ATP1A4: variants seen among roughly 807,000 people sequenced by gnomAD.
ATP1A4 encodes ATPase Na+/K+ transporting subunit alpha 4.
Under a neutral mutation model 114.3 loss-of-function variants are expected in ATP1A4, and 90 were observed. That is an observed-to-expected ratio of 0.79 (90% CI 0.66 to 0.94). ATP1A4 has a LOEUF of 0.94. ATP1A4 is among the 40% of genes least tolerant of loss of function. The pLI is 0.00. For missense variants in ATP1A4, 1,222 were observed against 1,313.6 expected (o/e 0.93, Z 1.08); for synonymous variants, 511 against 494.1 (o/e 1.03, Z -0.45).
At chr1:160,172,301 G>A (rs182366677) in intron 12 of ATP1A4, among the ~76,000 whole-genome samples, 29 of 152,302 alleles carry the variant, frequency 1.9e-4, no homozygotes, top group East Asian at 1.7e-3. Flanking sequence ...CGAGATGGGC[G>A]GTAAAAGGGT....
rs1391537672 is a variant in ATP1A4, at chr1:160,159,058, G to A, written c.582G>A (p.Val194=). The A allele has an allele frequency of 6.2e-7, 1 of 1,614,150 alleles. No individual in the cohort carries two copies. Among genetic ancestry groups the A allele is most frequent in the Non-Finnish European group, 8.5e-7 (1 of 1,180,006 alleles). Residue 194 remains valine, a synonymous_variant, in exon 5 of 22, where the codon GTG becomes GTA. Transcript: ENST00000368081. Reference sequence around the variant, plus strand: ...TGCAAATTAATGTACAAGAGGTGGTGTTGGGAGACCTGGTGGAAATCAAGG... The same window carrying A: ...TGCAAATTAATGTACAAGAGGTGGTATTGGGAGACCTGGTGGAAATCAAGG... The part of the protein sequence containing the change: ...EKMQINVQEV[V]LGDLVEIKGG...
intron 4 of ATP1A4, among the ~76,000 whole-genome samples, chr1:160,157,992 C>T (rs1265739950): frequency 1.3e-5 from 2 of 152,092 alleles, no homozygotes; most frequent in Non-Finnish European, 2.9e-5. Flanking sequence ...GTAGTATAGC[C>T]CAGGATTTCC....
chr1:160,171,886 T>C (rs768983021), intron 12 of ATP1A4, 129 bp downstream of exon 12: 15 of 926,078 alleles, frequency 1.6e-5, no homozygotes, highest in Admixed American at 1.2e-4. Context: ...CTTGGGCTTA[T>C]GATTTTTAAT....
chr1:160,169,672 G>A (rs1345162867), intron 10 of ATP1A4: 1 of 152,244 alleles, frequency 6.6e-6, no homozygotes, highest in East Asian at 1.9e-4. Flanking sequence ...GTTCTCAACA[G>A]GCGACCTAGC....
At position 160,174,134 on chromosome 1, in the gene ATP1A4, A is replaced by C; in HGVS notation, c.2015A>C (p.His672Pro). ...AGTGCTGCCAAAGCCATTGTGGTGC[A>C]TGGTGCAGAACTGAAGGACATACAG... ...DASAAKAIVV[H>P]GAELKDIQSK... The change falls in exon 14 of 22, where the codon CAT (histidine) becomes CCT (proline). Residue 672 changes from histidine to proline, a missense_variant. Transcript: ENST00000368081. The C allele has an allele frequency of 6.2e-7, 1 of 1,614,052 alleles. No homozygotes were observed. The highest frequency in any genetic ancestry group is 8.5e-7 in the Non-Finnish European group (1 of 1,179,972).
chr1:160,159,148 C>A lies in ATP1A4; in HGVS notation c.660+12C>A. The A allele has an allele frequency of 6.2e-7, 1 of 1,611,792 alleles. No individual in the cohort carries two copies. Among genetic ancestry groups the A allele is most frequent in the Non-Finnish European group, 8.5e-7 (1 of 1,178,744 alleles). ...CACAAGGATGTAAGGTGAGGGGATG[C>A]CGAAAGCTATGTGAGGGACCCAAGC... On this transcript the variant is annotated intron_variant, in intron 5 of 21. Coordinates refer to ENST00000368081, the MANE Select transcript of ATP1A4 (RefSeq NM_144699.4).
rs752449048 is a variant in ATP1A4, at chr1:160,171,420, G to T, written c.1661G>T (p.Gly554Val). 38 of 1,614,006 alleles carry T rather than the reference G, an allele frequency of 2.4e-5. No individual in the cohort carries two copies. Among genetic ancestry groups the T allele is most frequent in the Admixed American group, 2.0e-4 (12 of 59,998 alleles). The change falls in exon 11 of 22, where the codon GGT becomes GTT. Residue 554 changes from glycine (G) to valine (V), a missense_variant. Gly to Val is a moderately radical substitution (Grantham distance 109, BLOSUM62 -3). Coordinates refer to ENST00000368081, the MANE Select transcript of ATP1A4 (RefSeq NM_144699.4). The stretch of plus-strand genomic sequence containing the variant: ...CAAAATGCCTACTTAGAACTGGGAG[G>T]TCTGGGGGAACGTGTGCTAGGTGAG... ...AFQNAYLELG[G>V]LGERVLGFCF...
chr1:160,184,154 T>C (rs1311286189), intron 20 of ATP1A4, among the ~76,000 whole-genome samples: 1 of 152,114 alleles, frequency 6.6e-6, no homozygotes, highest in African/African-American at 2.4e-5. Context: ...GGTTTCTTCA[T>C]GTTGGTCAGG....
chr1:160,181,787 G>A lies in ATP1A4; in HGVS notation c.2840G>A (p.Arg947His), dbSNP rs765825563. 3.7e-6 allele frequency: 6 copies of A among 1,613,816 alleles called. No homozygotes were observed. The South Asian group carries it at 4.4e-5, about 12-fold the overall frequency. ...GATCTCATCATCTCCAAGACTCGCC[G>A]CAACTCACTTTTCCAGCAGGGCATG... ...WADLIISKTR[R>H]NSLFQQGMRN... The change falls in exon 19 of 22, where the codon CGC becomes CAC. Residue 947 changes from arginine (R) to histidine (H), a missense_variant. Transcript: ENST00000368081.
Position 160,164,199 on chromosome 1 carries a change from GA to G in ATP1A4, c.823del (p.Met275TrpfsTer7), listed in dbSNP as rs552365976. The G allele has an allele frequency of 2.8e-5, 45 of 1,614,086 alleles. No homozygotes were observed. Among genetic ancestry groups the G allele is most frequent in the Non-Finnish European group, 3.8e-5 (45 of 1,180,042 alleles). ...TGATTGCTACGGGAGACTCCACAGTGATGGGCAGAATTGCCTCCCTGACGTC... is the reference window on the plus strand; with the variant it reads ...TGATTGCTACGGGAGACTCCACAGTGTGGGCAGAATTGCCTCCCTGACGTC... ...IVIATGDSTV[M>X]GRIASLTSGL... On this transcript the variant is annotated frameshift_variant, in exon 7 of 22. Transcript: ENST00000368081. LOFTEE classifies it high-confidence loss of function.
intron 20 of ATP1A4, 44 bp from the exon 21 acceptor site, chr1:160,186,232 C>A: frequency 7.4e-7 from 1 of 1,349,826 alleles, no homozygotes; most frequent in Non-Finnish European, 1.1e-6. Flanking sequence ...TGTCCTCTGG[C>A]ATCTCTCTCT....
At chr1:160,155,311 T>C in intron 3 of ATP1A4, 63 bp downstream of exon 3, 1 of 1,436,248 alleles carries the variant, frequency 7.0e-7, no homozygotes, top group Non-Finnish European at 9.6e-7. Context: ...ACTCTTTTGC[T>C]CAGCAGCCTA....
chr1:160,173,734 A>T lies in ATP1A4; in HGVS notation c.1991+17A>T, dbSNP rs1178848320. 6.2e-7 allele frequency: 1 copy of T among 1,612,458 alleles called. No individual in the cohort carries two copies. ...CGATGCCAGGTGAGATCACTAAAGA[A>T]CTCAAGATCTGCCATGTTCCCTCCA... is the stretch of plus-strand genomic sequence containing the variant. On this transcript the variant is annotated intron_variant, in intron 13 of 21. Coordinates refer to ENST00000368081, the MANE Select transcript of ATP1A4 (RefSeq NM_144699.4).
intron 3 of ATP1A4, 138 bp downstream of exon 3, chr1:160,155,386 A>G (rs1652611554): frequency 1.8e-6 from 1 of 561,064 alleles, no homozygotes; most frequent in Non-Finnish European, 3.1e-6. Flanking sequence ...ATAATGTAAT[A>G]AATGTACATT....
chr1:160,177,259 CT>C, intron 17 of ATP1A4: 1 of 415,366 alleles, frequency 2.4e-6, no homozygotes, highest in Non-Finnish European at 4.3e-6. Context: ...CTCTAAAGTC[CT>C]TTTTAGTTTT....
chr1:160,177,379 G>A, intron 17 of ATP1A4, 140 bp from the exon 18 acceptor site: 1 of 784,816 alleles, frequency 1.3e-6, no homozygotes, highest in Non-Finnish European at 2.0e-6. Flanking sequence ...GCAGCTGATG[G>A]CAAGATTCTT....
Position 160,164,319 on chromosome 1 carries a change from T to C in ATP1A4, c.942T>C (p.Phe314=). ...TVVAVFLGVT[F]FALSLLLGYG... ...TGGCCGTCTTCCTTGGTGTCACTTT[T>C]TTTGCGCTCTCACTTCTCTTGGGCT... The change falls in exon 7 of 22, where the codon TTT becomes TTC. Residue 314 remains phenylalanine, a synonymous_variant. Coordinates refer to ENST00000368081, the MANE Select transcript of ATP1A4 (RefSeq NM_144699.4). 1.2e-6 allele frequency: 2 copies of C among 1,614,164 alleles called. No individual in the cohort carries two copies. The highest frequency in any genetic ancestry group is 1.1e-5 in the South Asian group (1 of 91,072).
At chr1:160,177,146 T>A (rs1653497634) in intron 17 of ATP1A4, among the ~76,000 whole-genome samples, 1 of 152,220 alleles carries the variant, frequency 6.6e-6, no homozygotes, top group African/African-American at 2.4e-5. Flanking sequence ...GAAGTCTTTG[T>A]TCTTGATTTT....
Position 160,159,035 on chromosome 1 carries a change from C to G in ATP1A4, c.559C>G (p.Gln187Glu). 1 of 1,613,868 alleles carries G rather than the reference C, an allele frequency of 6.2e-7. No individual in the cohort carries two copies. Among genetic ancestry groups the G allele is most frequent in the Non-Finnish European group, 8.5e-7 (1 of 1,179,878 alleles). The change falls in exon 5 of 22, where the codon CAA becomes GAA. Residue 187 changes from glutamine to glutamate, a missense_variant. Gln to Glu is a conservative substitution (Grantham distance 29, BLOSUM62 2). Transcript: ENST00000368081. The stretch of plus-strand genomic sequence containing the variant: ...GGTAATTCGAGGAGGAGAGAAGATG[C>G]AAATTAATGTACAAGAGGTGGTGTT... ...ALVIRGGEKM[Q>E]INVQEVVLGD...
Sources: gnomAD v4.1 joint callset for allele counts (sites outside exome capture counted in the v4.1 genomes callset) on GRCh38, gnomAD v4.1.1 for gene constraint, MANE v1.5 for transcripts, NCBI Gene and HGNC (gene_info 2026-07-23, HGNC 2026-07-21) for gene names.